Variants in SMC5 observed in about 807,000 individuals in gnomAD.
SMC5 encodes structural maintenance of chromosomes 5.
Under a neutral mutation model 148.3 loss-of-function variants are expected in SMC5, and 88 were observed. That is an observed-to-expected ratio of 0.59 (90% CI 0.50 to 0.71). The LOEUF is 0.71. Among genes scored for constraint, SMC5 ranks in the 30% least tolerant of loss-of-function variants. The pLI is 0.00. For synonymous variants in SMC5, 421 were observed against 432.8 expected (o/e 0.97, Z 0.34); for missense variants, 1,142 against 1,298.9 (o/e 0.88, Z 1.86).
chr9:70,295,470 CAAAAAAAA>C (rs767989666), intron 8 of SMC5, among the ~76,000 whole-genome samples: 1 of 81,440 alleles, frequency 1.2e-5, no homozygotes, highest in African/African-American at 4.7e-5. Context: ...GACCCTGTCT[CAAAAAAAA>C]AAAAAAAAAG....
At chr9:70,317,755 G>A (rs771115205) in intron 13 of SMC5, among the ~76,000 whole-genome samples, 2 of 152,090 alleles carry the variant, frequency 1.3e-5, no homozygotes, top group Non-Finnish European at 2.9e-5. Context: ...TGAAATCCAT[G>A]TATAAATTCT....
At chr9:70,352,124 A>T in intron 24 of SMC5, 67 bp from the exon 25 acceptor site, 1 of 1,371,548 alleles carries the variant, frequency 7.3e-7, no homozygotes, top group Non-Finnish European at 1.0e-6. Flanking sequence ...GACTGTACAC[A>T]TGTAAGGTTG....
Position 70,344,133 on chromosome 9 carries a change from T to C in SMC5, c.2398-11T>C, listed in dbSNP as rs1587717688. The C allele has an allele frequency of 6.8e-7, 1 of 1,475,936 alleles. No individual in the cohort carries two copies. 91.4% of individuals were successfully genotyped at this position (1,475,936 alleles called of 1,614,324 possible). ...TAACATTCAAATTTTCAAAATAAAT[T>C]TTTTTAATAGCAACATTTCATTGAA... On this transcript the variant is annotated splice_polypyrimidine_tract_variant and intron_variant, in intron 17 of 24. Coordinates refer to ENST00000361138, the MANE Select transcript of SMC5 (RefSeq NM_015110.4).
intron 2 of SMC5, among the ~76,000 whole-genome samples, 194 bp from the exon 3 acceptor site, chr9:70,267,729 A>G (rs1331987728): frequency 1.3e-5 from 2 of 152,086 alleles, no homozygotes; most frequent in Non-Finnish European, 2.9e-5. Flanking sequence ...TAATATTATT[A>G]TTGTTGTTAT....
chr9:70,344,770 C>T (rs574536819), intron 18 of SMC5: 1 of 152,070 alleles, frequency 6.6e-6, no homozygotes, highest in South Asian at 2.1e-4. Context: ...AGTCACATTC[C>T]ACCGTTAATT....
At chr9:70,352,127 T>G in intron 24 of SMC5, 64 bp from the exon 25 acceptor site, 1 of 1,399,632 alleles carries the variant, frequency 7.1e-7, no homozygotes, top group Admixed American at 2.2e-5. Flanking sequence ...TGTACACATG[T>G]AAGGTTGGAA....
intron 12 of SMC5, 21 bp from the exon 13 acceptor site, chr9:70,315,425 A>G (rs1160316688): frequency 1.3e-6 from 2 of 1,513,792 alleles, no homozygotes; most frequent in Non-Finnish European, 1.8e-6. Context: ...AGAAAAATCT[A>G]ATCAATACTT....
chr9:70,347,654 G>A lies in SMC5; in HGVS notation c.2706G>A (p.Gln902=), dbSNP rs767335393. ...CAAAAAGAGAAGAAGAAATAGAACA[G>A]TTAACTGAGGAACTAAAGGGAAAGA... ...EYTKREEEIE[Q]LTEELKGKKV... The change falls in exon 21 of 25, where the codon CAG becomes CAA. Residue 902 remains glutamine (Q), a synonymous_variant. Transcript: ENST00000361138. 1.3e-6 allele frequency: 2 copies of A among 1,585,936 alleles called. No individual in the cohort carries two copies. Among genetic ancestry groups the A allele is most frequent in the South Asian group, 2.3e-5 (2 of 85,630 alleles).
rs751544317 is a variant in SMC5, at chr9:70,318,616, C to A, written c.1909C>A (p.Leu637Ile). ...CAAAGTTATTTCTAGTAACACATCTCTAAAAGTAGCGCAGTTTCTCACTGT... is the reference window on the plus strand; with the variant it reads ...CAAAGTTATTTCTAGTAACACATCTATAAAAGTAGCGCAGTTTCTCACTGT... ...SNKVISSNTSLKVAQFLTVTV... is the reference protein window; with the variant it reads ...SNKVISSNTSIKVAQFLTVTV... Residue 637 changes from leucine (L) to isoleucine (I), a missense_variant, in exon 14 of 25, where the codon CTA becomes ATA. This residue lies in a region of SMC5 where 743 missense variants were observed against 835.7 expected (regional missense o/e 0.89). Coordinates refer to ENST00000361138, the MANE Select transcript of SMC5 (RefSeq NM_015110.4). 2 of 1,612,852 alleles carry A rather than the reference C, an allele frequency of 1.2e-6. No individual in the cohort carries two copies. Among genetic ancestry groups the A allele is most frequent in the Admixed American group, 3.3e-5 (2 of 59,944 alleles).
chr9:70,351,874 G>A (rs1036446121), intron 24 of SMC5, among the ~76,000 whole-genome samples: 17 of 151,982 alleles, frequency 1.1e-4, no homozygotes, highest in Admixed American at 8.5e-4. Context: ...TCAGGAGTTC[G>A]AGACCAGCCT....
At chr9:70,269,244 T>C (rs1300791493) in intron 3 of SMC5, among the ~76,000 whole-genome samples, 1 of 152,080 alleles carries the variant, frequency 6.6e-6, no homozygotes, top group South Asian at 2.1e-4. Flanking sequence ...CCTGAAGAAA[T>C]GGAGGTGCGT....
intron 8 of SMC5, among the ~76,000 whole-genome samples, chr9:70,290,490 A>G (rs1017680615): frequency 6.6e-6 from 1 of 152,222 alleles, no homozygotes; most frequent in African/African-American, 2.4e-5. Context: ...TTTATACCGC[A>G]ATAGTTCTTT....
chr9:70,279,125 G>A (rs192572453), intron 5 of SMC5, among the ~76,000 whole-genome samples: 7 of 152,250 alleles, frequency 4.6e-5, no homozygotes, highest in Admixed American at 1.3e-4. Context: ...ACATAAAAAT[G>A]TACTTTTATA....
At chr9:70,275,982 G>A (rs1276650972) in intron 3 of SMC5, among the ~76,000 whole-genome samples, 1 of 151,832 alleles carries the variant, frequency 6.6e-6, no homozygotes, top group Non-Finnish European at 1.5e-5. Context: ...TGTTCTTGAT[G>A]CTTTGTCTTC....
chr9:70,344,005 A>G (rs2036594146), intron 17 of SMC5, 139 bp from the exon 18 acceptor site: 4 of 496,258 alleles, frequency 8.1e-6, no homozygotes, highest in East Asian at 3.9e-5. Context: ...AAAAAGAGTC[A>G]TTATTTAAGA....
At chr9:70,345,586 G>A (rs1050004170) in intron 18 of SMC5, among the ~76,000 whole-genome samples, 5 of 151,958 alleles carry the variant, frequency 3.3e-5, no homozygotes, top group Non-Finnish European at 2.9e-5. Context: ...CAACGCCCAA[G>A]ACAGAAGTAT....
chr9:70,280,761 C>T lies in SMC5; in HGVS notation c.681C>T (p.Thr227=), dbSNP rs765295211. 2 of 1,610,488 alleles carry T rather than the reference C, an allele frequency of 1.2e-6. No individual in the cohort carries two copies. The highest frequency in any genetic ancestry group is 2.2e-5 in the East Asian group (1 of 44,786). ...TGTTCAACATATATTTATTGTAGAC[C>T]TCATGCAAAGAGAAAACTGAGTATC... The part of the protein sequence containing the change: ...NLREKEKQLE[T]SCKEKTEYLQ... Residue 227 remains threonine (T), a splice_region_variant and synonymous_variant, in exon 6 of 25, where the codon ACC becomes ACT. Coordinates refer to ENST00000361138, the MANE Select transcript of SMC5 (RefSeq NM_015110.4).
At chr9:70,301,082 G>A (rs1389001251) in intron 10 of SMC5, among the ~76,000 whole-genome samples, 1 of 151,920 alleles carries the variant, frequency 6.6e-6, no homozygotes, top group Admixed American at 6.5e-5. Context: ...TCACATATGT[G>A]TTATTAGAAT....
chr9:70,289,371 T>G (rs1280995922), intron 8 of SMC5, among the ~76,000 whole-genome samples: 3 of 152,160 alleles, frequency 2.0e-5, no homozygotes, highest in Non-Finnish European at 2.9e-5. Context: ...CAGTATCTCC[T>G]TCTATGAGTA....
Sources: allele counts gnomAD v4.1 joint callset (sites outside exome capture counted in the v4.1 genomes callset), GRCh38; gene constraint gnomAD v4.1.1; regional missense constraint gnomAD v4.1.1; transcripts MANE v1.5; gene names NCBI Gene and HGNC (gene_info 2026-07-23, HGNC 2026-07-21).